Variants in ETNK1 observed in about 807,000 individuals in gnomAD.
ETNK1 encodes ethanolamine kinase 1.
A neutral mutation model predicts 45.1 loss-of-function variants in ETNK1; 8 were observed. The ratio of observed to expected loss-of-function variants is 0.18; its 90% confidence interval spans 0.10 to 0.32. The LOEUF (loss-of-function observed/expected upper bound fraction) is 0.32, where lower values mean the gene tolerates loss of function less well. ETNK1 is among the 10% of genes least tolerant of loss of function. The probability of loss-of-function intolerance (pLI) is 1.00; values close to 1 mark genes in which losing one functional copy is unlikely to be tolerated. For missense variants in ETNK1, 302 were observed against 430.6 expected (o/e 0.70, Z 2.64); for synonymous variants, 152 against 151.9 (o/e 1.00, Z -0.01).
At chr12:22,660,627 C>G (rs1953990192) in intron 3 of ETNK1, among the ~76,000 whole-genome samples, 1 of 152,080 alleles carries the variant, frequency 6.6e-6, no homozygotes, top group Admixed American at 6.6e-5. Context: ...TTCACCCTTT[C>G]AACCTTGAAA....
intron 7 of ETNK1, 38 bp downstream of exon 7, chr12:22,684,594 G>A (rs1405932456): frequency 7.6e-7 from 1 of 1,318,758 alleles, no homozygotes; most frequent in South Asian, 1.2e-5. Context: ...ATTGGTCTCT[G>A]CTTTTGTTTG....
chr12:22,658,459 A>G (rs1470477741), intron 2 of ETNK1, among the ~76,000 whole-genome samples: 1 of 152,336 alleles, frequency 6.6e-6, no homozygotes, highest in Non-Finnish European at 1.5e-5. Context: ...TCCTGGGTCC[A>G]GTGATGAATC....
chr12:22,649,645 G>T (rs917429767), intron 2 of ETNK1, among the ~76,000 whole-genome samples: 4 of 152,184 alleles, frequency 2.6e-5, no homozygotes, highest in African/African-American at 9.6e-5. Flanking sequence ...ATCAGGTAGT[G>T]TTAGTCCTCC....
At chr12:22,671,779 C>T (rs1230450783) in intron 5 of ETNK1, among the ~76,000 whole-genome samples, 2 of 145,872 alleles carry the variant, frequency 1.4e-5, no homozygotes, top group African/African-American at 5.2e-5. Context: ...GCAGAGTTTG[C>T]AGTGAGCCGA....
intron 5 of ETNK1, among the ~76,000 whole-genome samples, chr12:22,672,099 C>A (rs1278689600): frequency 6.6e-6 from 1 of 151,830 alleles, no homozygotes; most frequent in Non-Finnish European, 1.5e-5. Context: ...TAAACTGGGG[C>A]TTTTGGAATA....
intron 2 of ETNK1, among the ~76,000 whole-genome samples, chr12:22,647,584 G>A (rs1194382802): frequency 1.3e-5 from 2 of 151,754 alleles, no homozygotes; most frequent in African/African-American, 4.8e-5. Flanking sequence ...GCTGATGCAG[G>A]GCAACAGGAA....
intron 6 of ETNK1, among the ~76,000 whole-genome samples, chr12:22,683,814 T>C (rs1237904330): frequency 2.0e-5 from 3 of 152,180 alleles, no homozygotes; most frequent in Non-Finnish European, 4.4e-5. Context: ...AGTTAGAATA[T>C]AGTATTTCTT....
chr12:22,639,531 G>A (rs1370910782), intron 1 of ETNK1, among the ~76,000 whole-genome samples: 1 of 152,106 alleles, frequency 6.6e-6, no homozygotes, highest in Non-Finnish European at 1.5e-5. Context: ...ACAAAAATTA[G>A]CCAGACATAG....
intron 1 of ETNK1, 43 bp downstream of exon 1, chr12:22,625,629 G>T: frequency 6.6e-7 from 1 of 1,522,596 alleles, no homozygotes. Flanking sequence ...TGCCCCTCAC[G>T]CGGCTCTGGG....
intron 3 of ETNK1, among the ~76,000 whole-genome samples, chr12:22,659,559 A>G (rs929636362): frequency 1.3e-5 from 2 of 152,212 alleles, no homozygotes; most frequent in African/African-American, 4.8e-5. Context: ...CTGCTAGTTA[A>G]CATTTCTGTT....
At chr12:22,646,854 T>C (rs1953814225) in intron 2 of ETNK1, among the ~76,000 whole-genome samples, 1 of 151,884 alleles carries the variant, frequency 6.6e-6, no homozygotes, top group African/African-American at 2.4e-5. Flanking sequence ...ATTTACAGTT[T>C]GTGACACAGT....
chr12:22,636,457 A>C (rs1953656419), intron 1 of ETNK1, among the ~76,000 whole-genome samples: 1 of 152,194 alleles, frequency 6.6e-6, no homozygotes, highest in Non-Finnish European at 1.5e-5. Context: ...ATGCACATTT[A>C]GAATTTTTAT....
chr12:22,637,618 T>C (rs1230862405), intron 1 of ETNK1, among the ~76,000 whole-genome samples: 3 of 152,170 alleles, frequency 2.0e-5, no homozygotes, highest in African/African-American at 7.2e-5. Flanking sequence ...CTTGAGGGCT[T>C]TATAGCCCAA....
intron 4 of ETNK1, among the ~76,000 whole-genome samples, chr12:22,666,524 C>T (rs976469407): frequency 1.3e-5 from 2 of 152,182 alleles, no homozygotes; most frequent in African/African-American, 2.4e-5. Flanking sequence ...ATTTCTATCT[C>T]ATGTCTTGAT....
chr12:22,625,308 G>A lies in ETNK1; in HGVS notation c.-123G>A. On this transcript the variant is annotated 5_prime_UTR_variant, in exon 1 of 8. Transcript: ENST00000266517. ...TCCTGCCGCTCGCCCGCCCGTCCCAGCGCCCCCAGCCCTCCCGCGAGGGCG... is the reference window on the plus strand; with the variant it reads ...TCCTGCCGCTCGCCCGCCCGTCCCAACGCCCCCAGCCCTCCCGCGAGGGCG... 1 of 1,604,488 alleles carries A rather than the reference G, an allele frequency of 6.2e-7. No homozygotes were observed. Among genetic ancestry groups the A allele is most frequent in the East Asian group, 2.2e-5 (1 of 44,568 alleles).
chr12:22,661,105 G>A lies in ETNK1; in HGVS notation c.600G>A (p.Glu200=), dbSNP rs564152157. The A allele has an allele frequency of 1.9e-6, 3 of 1,612,524 alleles. No individual in the cohort carries two copies. The African/African-American group carries it at 4.0e-5, about 22-fold the overall frequency. Residue 200 remains glutamate (E), a synonymous_variant, in exon 4 of 8, where the codon GAG becomes GAA. Coordinates refer to ENST00000266517, the MANE Select transcript of ETNK1 (RefSeq NM_018638.5). ...CAAGCTCTCAGATTCTCCAGGAAGA[G>A]ATGACTTGGATGAAGGAGATTCTTT... ...DIPSSQILQE[E]MTWMKEILSN... is the part of the protein sequence containing the mutation.
At chr12:22,657,288 A>T (rs1953954494) in intron 2 of ETNK1, among the ~76,000 whole-genome samples, 1 of 151,994 alleles carries the variant, frequency 6.6e-6, no homozygotes, top group South Asian at 2.1e-4. Context: ...CAAAGTACAC[A>T]TATATAAAAA....
chr12:22,683,387 T>C (rs1283696918), intron 6 of ETNK1, among the ~76,000 whole-genome samples: 1 of 151,966 alleles, frequency 6.6e-6, no homozygotes, highest in Non-Finnish European at 1.5e-5. Flanking sequence ...AGCTGAATAG[T>C]TAGTGGTATT....
At position 22,687,921 on chromosome 12, in the gene ETNK1, G is replaced by A. The variant is rs578080344; in HGVS notation, c.*2967G>A. ...ACAGGAACTGGAAATAGGGTTTGTC[G>A]GCTTTGGTTAATGTCAGTACTCATT... On this transcript the variant is annotated 3_prime_UTR_variant, in exon 8 of 8. Coordinates refer to ENST00000266517, the MANE Select transcript of ETNK1 (RefSeq NM_018638.5). 11 of 152,144 alleles carry A rather than the reference G, an allele frequency of 7.2e-5. No individual in the cohort carries two copies. The highest frequency in any genetic ancestry group is 1.9e-4 in the African/African-American group (8 of 41,370). 9.4% of individuals were successfully genotyped at this position (152,144 alleles called of 1,614,324 possible). A position where few individuals can be genotyped will look rare whatever the true frequency, so the allele number is the denominator to read the frequency against.
Sources: gnomAD v4.1 joint callset for allele counts (sites outside exome capture counted in the v4.1 genomes callset) on GRCh38, gnomAD v4.1.1 for gene constraint, MANE v1.5 for transcripts, NCBI Gene and HGNC (gene_info 2026-07-23, HGNC 2026-07-21) for gene names.